Variants in CTU2 observed in about 807,000 individuals in gnomAD.
CTU2 encodes cytosolic thiouridylase subunit 2, also known as cytoplasmic tRNA 2-thiolation protein 2.
Under a neutral mutation model 64.1 loss-of-function variants are expected in CTU2, and 80 were observed. The observed-to-expected ratio is 1.25, with a 90% CI of 1.04 to 1.50. CTU2 has a LOEUF of 1.50. CTU2 is among the 40% of genes most tolerant of loss of function. The pLI is 0.00. For synonymous variants in CTU2, 482 were observed against 285.3 expected (o/e 1.69, Z -6.95); for missense variants, 1,110 against 690.2 (o/e 1.61, Z -6.81).
chr16:88,707,817 T>TTTA (rs1431055874), intron 2 of CTU2, among the ~76,000 whole-genome samples: 2 of 151,300 alleles, frequency 1.3e-5, no homozygotes, highest in Admixed American at 6.6e-5. Context: ...TTGTTGTTTT[T>TTTA]TTTGAGATGG....
chr16:88,706,540 G>A lies in CTU2; in HGVS notation c.10G>A (p.Val4Met). Residue 4 changes from valine (V) to methionine (M), a missense_variant, in exon 1 of 15, where the codon GTG becomes ATG. Coordinates refer to ENST00000453996, the MANE Select transcript of CTU2 (RefSeq NM_001012759.3). MCQ[V>M]GEDYGEPAPE... ...GGGACCCGGCGTGCCCATGTGTCAG[G>A]TGGGCGAGGACTACGGGGAGCCGGC... The A allele has an allele frequency of 6.9e-7, 1 of 1,457,866 alleles. No individual in the cohort carries two copies. The highest frequency in any genetic ancestry group is 9.0e-7 in the Non-Finnish European group (1 of 1,111,924). 90.3% of individuals were successfully genotyped at this position (1,457,866 alleles called of 1,614,324 possible). A position where few individuals can be genotyped will look rare whatever the true frequency, so the allele number is the denominator to read the frequency against.
At chr16:88,712,173 G>GGAGC in intron 5 of CTU2, 101 bp from the exon 6 acceptor site, 1 of 999,330 alleles carries the variant, frequency 1.0e-6, no homozygotes, top group Non-Finnish European at 1.5e-6. Flanking sequence ...ACCGCCCTGC[G>GGAGC]GAGCGAGGCC....
intron 13 of CTU2, 21 bp downstream of exon 13, chr16:88,714,947 C>A (rs371087903): frequency 2.5e-6 from 4 of 1,610,774 alleles, no homozygotes; most frequent in African/African-American, 2.7e-5. Context: ...GCCCACCTGT[C>A]CTGGGCCGGG....
intron 2 of CTU2, among the ~76,000 whole-genome samples, chr16:88,707,425 C>T (rs1308957195): frequency 6.6e-6 from 1 of 152,206 alleles, no homozygotes; most frequent in Non-Finnish European, 1.5e-5. Flanking sequence ...CACAGATCCC[C>T]TGATGAGGTT....
rs150276124 is a variant in CTU2 at position 88,714,620 on chromosome 16, C to T, written c.1235C>T (p.Ser412Leu). The T allele has an allele frequency of 6.8e-5, 110 of 1,612,552 alleles. No homozygotes were observed. The highest frequency in any genetic ancestry group is 1.6e-4 in the Middle Eastern group (1 of 6,082). The part of the protein sequence containing the change: ...SATAFGAQTS[S>L]RLSQMQSPIP... ...ACGGCTTTTGGGGCTCAGACCTCCT[C>T]GCGTCTCTCCCAGATGCAGTCACCC... The change falls in exon 12 of 15, where the codon TCG (serine) becomes TTG (leucine). Residue 412 changes from serine (S) to leucine (L), a missense_variant. Ser to Leu is a moderately radical substitution (Grantham distance 145). Transcript: ENST00000453996.
intron 5 of CTU2, chr16:88,711,938 G>C: frequency 1.7e-6 from 1 of 603,352 alleles, no homozygotes. Context: ...GAAAGTCGGG[G>C]GTGGGAGCAG....
chr16:88,709,908 C>A (rs199990366), intron 2 of CTU2, 30 bp from the exon 3 acceptor site: 3 of 1,600,928 alleles, frequency 1.9e-6, no homozygotes, highest in South Asian at 1.1e-5. Flanking sequence ...GGGTAGCAGG[C>A]GGTTCCCTCA....
At chr16:88,715,155 T>G in intron 14 of CTU2, 27 bp from the exon 15 acceptor site, 1 of 1,610,726 alleles carries the variant, frequency 6.2e-7, no homozygotes, top group Non-Finnish European at 8.5e-7. Flanking sequence ...GCCTCGGGGC[T>G]GGTGCCCACT....
Position 88,712,339 on chromosome 16 carries a change from C to T in CTU2, c.409C>T (p.Leu137=), listed in dbSNP as rs759632174. 1 of 1,610,734 alleles carries T rather than the reference C, an allele frequency of 6.2e-7. No individual in the cohort carries two copies. Among genetic ancestry groups the T allele is most frequent in the South Asian group, 1.1e-5 (1 of 90,284 alleles). ...GACCCTGGCCGAAGTGAAGCCCATTCTGCAAGCAACTGGGTTCCCATGGCA... is the reference window on the plus strand; with the variant it reads ...GACCCTGGCCGAAGTGAAGCCCATTTTGCAAGCAACTGGGTTCCCATGGCA... The part of the protein sequence containing the change: ...SKTLAEVKPI[L]QATGFPWHVV... The change falls in exon 6 of 15, where the codon CTG becomes TTG. Residue 137 remains leucine, a synonymous_variant. Coordinates refer to ENST00000453996, the MANE Select transcript of CTU2 (RefSeq NM_001012759.3).
intron 8 of CTU2, 100 bp downstream of exon 8, chr16:88,713,547 C>CTG (rs397712941): frequency 1.9e-6 from 3 of 1,550,592 alleles, no homozygotes; most frequent in Non-Finnish European, 2.6e-6. Context: ...CCTGCGGCCT[C>CTG]GGATGGTGGT....
At chr16:88,710,337 G>T (rs951667052) in intron 4 of CTU2, 55 bp downstream of exon 4, 1 of 1,586,724 alleles carries the variant, frequency 6.3e-7, no homozygotes. Flanking sequence ...TCAGGCTGGG[G>T]GCCTCCCTTC....
chr16:88,712,073 G>A, intron 5 of CTU2: 3 of 699,948 alleles, frequency 4.3e-6, no homozygotes, highest in Non-Finnish European at 7.8e-6. Flanking sequence ...CGAACTCCTG[G>A]GGTGTTGACT....
chr16:88,714,952 G>C (rs535810678), intron 13 of CTU2, 26 bp downstream of exon 13: 2 of 1,609,572 alleles, frequency 1.2e-6, no homozygotes, highest in South Asian at 2.2e-5. Context: ...CCTGTCCTGG[G>C]CCGGGCTTGG....
chr16:88,713,608 G>A (rs765387109), intron 8 of CTU2, 39 bp from the exon 9 acceptor site: 20 of 1,596,788 alleles, frequency 1.3e-5, no homozygotes, highest in East Asian at 2.2e-5. Context: ...AAGCACATTC[G>A]GGCCTTGACC....
chr16:88,714,951 G>A (rs1329888565), intron 13 of CTU2, 25 bp downstream of exon 13: 6 of 1,609,794 alleles, frequency 3.7e-6, no homozygotes, highest in Non-Finnish European at 5.1e-6. Context: ...ACCTGTCCTG[G>A]GCCGGGCTTG....
chr16:88,713,733 C>G lies in CTU2; in HGVS notation c.960C>G (p.Arg320=). 1 of 1,612,722 alleles carries G rather than the reference C, an allele frequency of 6.2e-7. No individual in the cohort carries two copies. Among genetic ancestry groups the G allele is most frequent in the South Asian group, 1.1e-5 (1 of 91,090 alleles). Residue 320 remains arginine, a synonymous_variant, in exon 9 of 15, where the codon CGC becomes CGG. Coordinates refer to ENST00000453996, the MANE Select transcript of CTU2 (RefSeq NM_001012759.3). ...HTLKEVAFYN[R]LFSVPSVFTP... ...TGAAGGAGGTCGCTTTCTACAACCG[C>G]CTGTTCTCCGTTCCTTCTGTCTTCA...
chr16:88,708,138 C>T (rs1337662023), intron 2 of CTU2, among the ~76,000 whole-genome samples: 7 of 152,150 alleles, frequency 4.6e-5, no homozygotes, highest in Admixed American at 1.3e-4. Flanking sequence ...TTTAACCACC[C>T]AGGAGCATCT....
chr16:88,715,248 C>T lies in CTU2; in HGVS notation c.1545C>T (p.Ser515=). ...ACAGTGACGACGAGGCGGGCCAGAGCTGAGCGTGAGGACGTGCTTGCCGGG... is the reference window on the plus strand; with the variant it reads ...ACAGTGACGACGAGGCGGGCCAGAGTTGAGCGTGAGGACGTGCTTGCCGGG... ...IEDSDDEAGQ[S] Residue 515 remains serine, a synonymous_variant, in exon 15 of 15, where the codon AGC becomes AGT. Transcript: ENST00000453996. 1.9e-6 allele frequency: 3 copies of T among 1,611,496 alleles called. No individual in the cohort carries two copies. The highest frequency in any genetic ancestry group is 2.5e-6 in the Non-Finnish European group (3 of 1,179,842).
At chr16:88,706,649 A>C in intron 1 of CTU2, 51 bp downstream of exon 1, 1 of 1,289,528 alleles carries the variant, frequency 7.8e-7, no homozygotes, top group Non-Finnish European at 1.0e-6. Flanking sequence ...TTCCCGCCGC[A>C]CTCCTGCCCC....
Sources: allele counts gnomAD v4.1 joint callset (sites outside exome capture counted in the v4.1 genomes callset), GRCh38; gene constraint gnomAD v4.1.1; transcripts MANE v1.5; gene names NCBI Gene and HGNC (gene_info 2026-07-23, HGNC 2026-07-21).